The following ERGIC1 variants were observed in gnomAD, a reference collection of about 807,000 sequenced individuals.
ERGIC1 encodes the protein endoplasmic reticulum-Golgi intermediate compartment protein 1.
Under a neutral mutation model 38.3 loss-of-function variants are expected in ERGIC1, and 19 were observed. The observed-to-expected ratio is 0.50, with a 90% CI of 0.35 to 0.73. The LOEUF (loss-of-function observed/expected upper bound fraction) is 0.73, where lower values mean the gene tolerates loss of function less well. Among genes scored for constraint, ERGIC1 ranks in the 30% least tolerant of loss-of-function variants. The pLI, the probability that ERGIC1 is intolerant of heterozygous loss-of-function variation, is 0.01. For missense variants in ERGIC1, 294 were observed against 389.2 expected, an observed-to-expected ratio of 0.76 and a Z score of 2.06; for synonymous variants, 124 against 157.6, an observed-to-expected ratio of 0.79 and a Z score of 1.60.
At chr5:172,904,795 G>C (rs1310647760) in intron 3 of ERGIC1, among the ~76,000 whole-genome samples, 2 of 152,192 alleles carry the variant, frequency 1.3e-5, no homozygotes, top group Non-Finnish European at 2.9e-5. Context: ...AGGCGAAGGC[G>C]GCTTTATTGA....
intron 9 of ERGIC1, 102 bp downstream of exon 9, chr5:172,935,412 A>T: frequency 6.6e-7 from 1 of 1,519,450 alleles, no homozygotes; most frequent in Non-Finnish European, 9.0e-7. Context: ...CTGAAACAGG[A>T]GGCAGCCTGC....
At chr5:172,849,655 C>A (rs991538790) in intron 1 of ERGIC1, among the ~76,000 whole-genome samples, 1 of 152,178 alleles carries the variant, frequency 6.6e-6, no homozygotes, top group Admixed American at 6.5e-5. Flanking sequence ...GAATCCCTTA[C>A]GTTTTCCAGT....
At chr5:172,947,183 C>CAA (rs11308202) in intron 9 of ERGIC1, among the ~76,000 whole-genome samples, 1 of 122,350 alleles carries the variant, frequency 8.2e-6, no homozygotes, top group Non-Finnish European at 1.7e-5. Flanking sequence ...GACTCAATCT[C>CAA]AAAAAAAAAA....
intron 4 of ERGIC1, among the ~76,000 whole-genome samples, chr5:172,912,163 C>T (rs987086135): frequency 6.7e-6 from 1 of 149,434 alleles, no homozygotes; most frequent in East Asian, 2.0e-4. Flanking sequence ...GCCATTTATT[C>T]CATTCTTCCA....
At position 172,893,939 on chromosome 5, in the gene ERGIC1, A is replaced by G. The variant is rs867316372; in HGVS notation, c.83-3063A>G. On this transcript the variant is annotated intron_variant, in intron 2 of 9. Coordinates refer to ENST00000393784, the MANE Select transcript of ERGIC1 (RefSeq NM_001031711.3). ...TGTGTGTGTGTGTGTGTGTGTGTAT[A>G]TATATATATATATATTTAAATGTCC... 6.9e-3 allele frequency among the ~76,000 whole-genome samples: 245 copies of G among 35,546 alleles called. 2 individuals are homozygous for G. Among genetic ancestry groups the G allele is most frequent in the East Asian group, 8.9e-3 (7 of 788 alleles). The allele number at this position is 35,546 out of a possible 152,430, so 23.3% of individuals were successfully genotyped here.
chr5:172,880,085 G>A (rs1762243529), intron 1 of ERGIC1, among the ~76,000 whole-genome samples: 1 of 152,116 alleles, frequency 6.6e-6, no homozygotes, highest in African/African-American at 2.4e-5. Flanking sequence ...CCAGGCTGGA[G>A]TACTGCAGAG....
chr5:172,918,383 C>T (rs1763425929), intron 5 of ERGIC1: 1 of 152,202 alleles, frequency 6.6e-6, no homozygotes, highest in Admixed American at 6.5e-5. Flanking sequence ...CACCAAAAGC[C>T]TTAAGAACCT....
At position 172,855,702 on chromosome 5, in the gene ERGIC1, T is replaced by C. The variant is rs368953708; in HGVS notation, c.20+21269T>C. ...GTGCTGGGGCAGGGAGCCAGGCCCG[T>C]CCAGCACGTGGTACACTGATGAGGG... On this transcript the variant is annotated intron_variant, in intron 1 of 9. Coordinates refer to ENST00000393784, the MANE Select transcript of ERGIC1 (RefSeq NM_001031711.3). 2.0e-5 allele frequency among the ~76,000 whole-genome samples: 3 copies of C among 152,242 alleles called. No homozygotes were observed. In the South Asian group the frequency reaches 6.2e-4, roughly 32 times the overall value.
chr5:172,948,339 G>A (rs1022126960), intron 9 of ERGIC1, among the ~76,000 whole-genome samples: 3 of 152,138 alleles, frequency 2.0e-5, no homozygotes, highest in Non-Finnish European at 2.9e-5. Context: ...CTTCCCTCTC[G>A]CCTTTGCTAT....
chr5:172,865,080 A>G (rs1761820480), intron 1 of ERGIC1, among the ~76,000 whole-genome samples: 1 of 126,928 alleles, frequency 7.9e-6, no homozygotes, highest in Non-Finnish European at 1.6e-5. Flanking sequence ...TTTTTGAGAC[A>G]GTCTCACTCT....
intron 1 of ERGIC1, among the ~76,000 whole-genome samples, chr5:172,883,323 C>G: frequency 6.6e-6 from 1 of 152,152 alleles, no homozygotes; most frequent in East Asian, 1.9e-4. Flanking sequence ...ATCTGCAGAT[C>G]GTACTCAACT....
intron 3 of ERGIC1, among the ~76,000 whole-genome samples, chr5:172,897,601 G>A (rs1762755277): frequency 2.6e-5 from 4 of 152,162 alleles, no homozygotes; most frequent in Admixed American, 2.0e-4. Context: ...GAACATTTTG[G>A]TTCCATTCCG....
At chr5:172,851,337 C>T (rs1308031130) in intron 1 of ERGIC1, among the ~76,000 whole-genome samples, 3 of 151,182 alleles carry the variant, frequency 2.0e-5, no homozygotes, top group Admixed American at 6.6e-5. Context: ...GGTGAGCTCC[C>T]GTTTCTACTA....
chr5:172,941,063 G>A (rs974990162), intron 9 of ERGIC1, among the ~76,000 whole-genome samples: 24 of 152,334 alleles, frequency 1.6e-4, no homozygotes, highest in African/African-American at 5.8e-4. Flanking sequence ...CAGATCTCCT[G>A]AGGCTAAGAG....
chr5:172,889,697 A>G (rs1762511238), intron 2 of ERGIC1, among the ~76,000 whole-genome samples: 1 of 152,254 alleles, frequency 6.6e-6, no homozygotes, highest in African/African-American at 2.4e-5. Context: ...AGACAAATCC[A>G]TTCAGAAGAA....
chr5:172,887,465 G>A (rs1050870708), intron 1 of ERGIC1, among the ~76,000 whole-genome samples: 9 of 152,180 alleles, frequency 5.9e-5, no homozygotes, highest in African/African-American at 9.7e-5. Flanking sequence ...GCCTCACAGG[G>A]TCTAGTACTA....
At chr5:172,878,542 G>T (rs951403329) in intron 1 of ERGIC1, among the ~76,000 whole-genome samples, 1 of 152,110 alleles carries the variant, frequency 6.6e-6, no homozygotes, top group African/African-American at 2.4e-5. Flanking sequence ...TCGCAAGGGG[G>T]GTAGCAGCAG....
chr5:172,924,235 T>C, intron 6 of ERGIC1, 126 bp downstream of exon 6: 1 of 914,068 alleles, frequency 1.1e-6, no homozygotes, highest in South Asian at 1.5e-5. Flanking sequence ...AAGCCAAGCC[T>C]GGAAGGGTAA....
At chr5:172,935,338 C>T (rs1036092214) in intron 9 of ERGIC1, 28 bp downstream of exon 9, 62 of 1,613,300 alleles carry the variant, frequency 3.8e-5, no homozygotes, top group Non-Finnish European at 5.0e-5. Context: ...GTGGGTGGGG[C>T]CCTGAGCCAG....
Sources: gnomAD v4.1 joint callset for allele counts (sites outside exome capture counted in the v4.1 genomes callset) on GRCh38, gnomAD v4.1.1 for gene constraint, MANE v1.5 for transcripts, NCBI Gene and HGNC (gene_info 2026-07-23, HGNC 2026-07-21) for gene names.